FOXJ3: variants seen among roughly 807,000 people sequenced by gnomAD.
FOXJ3 encodes the protein forkhead box J3.
Under a neutral mutation model 76.1 loss-of-function variants are expected in FOXJ3, and 22 were observed. The ratio of observed to expected loss-of-function variants is 0.29; its 90% CI spans 0.21 to 0.41. The LOEUF (loss-of-function observed/expected upper bound fraction) is 0.41. FOXJ3 is among the 10% of genes least tolerant of loss of function. The probability of loss-of-function intolerance (pLI) is 1.00; values close to 1 mark genes in which losing one functional copy is unlikely to be tolerated. For missense variants in FOXJ3, 613 were observed against 762.1 expected, an observed-to-expected ratio of 0.80 and a Z score of 2.30; for synonymous variants, 269 against 261.2, an observed-to-expected ratio of 1.03 and a Z score of -0.29.
Position 42,185,512 on chromosome 1 carries a change from G to A in FOXJ3, c.1645+3225C>T, listed in dbSNP as rs115771491. 5.0e-3 allele frequency among the ~76,000 whole-genome samples: 755 copies of A among 151,744 alleles called. 12 individuals are homozygous for A. Among genetic ancestry groups the A allele is most frequent in the African/African-American group, 0.017 (710 of 41,260 alleles). ...CCTGACCTCATGATCCGCCTGCCTC[G>A]GTCTCCCAAAGTGAACATACTGTAT... On this transcript the variant is annotated intron_variant, in intron 11 of 12. Coordinates refer to ENST00000361346, the MANE Select transcript of FOXJ3 (RefSeq NM_014947.5).
chr1:42,246,668 T>A (rs1376099819), intron 4 of FOXJ3, among the ~76,000 whole-genome samples: 3 of 151,882 alleles, frequency 2.0e-5, no homozygotes, highest in Non-Finnish European at 4.4e-5. Context: ...ACTACCATAT[T>A]AAGCAGCAAT....
chr1:42,290,989 C>A (rs933594371), intron 2 of FOXJ3, among the ~76,000 whole-genome samples: 2 of 151,582 alleles, frequency 1.3e-5, no homozygotes, highest in Non-Finnish European at 2.9e-5. Context: ...AAAGGACAGA[C>A]ATAGATCAAC....
chr1:42,237,001 G>T (rs550168979), intron 4 of FOXJ3, among the ~76,000 whole-genome samples: 2 of 152,048 alleles, frequency 1.3e-5, no homozygotes, highest in East Asian at 1.9e-4. Flanking sequence ...CGGATTATAA[G>T]AATATAGGCT....
At chr1:42,254,309 GA>G (rs1215931967) in intron 4 of FOXJ3, among the ~76,000 whole-genome samples, 10 of 147,652 alleles carry the variant, frequency 6.8e-5, no homozygotes, top group African/African-American at 1.0e-4. Context: ...AAAAAGTCAG[GA>G]AACAACAGGT....
chr1:42,251,201 T>TG (rs1360269752), intron 4 of FOXJ3, among the ~76,000 whole-genome samples: 1 of 152,066 alleles, frequency 6.6e-6, no homozygotes, highest in African/African-American at 2.4e-5. Flanking sequence ...GACAGGGGTT[T>TG]GGGGGTGCAA....
At chr1:42,235,690 G>A (rs913577520) in intron 4 of FOXJ3, among the ~76,000 whole-genome samples, 12 of 152,180 alleles carry the variant, frequency 7.9e-5, no homozygotes, top group African/African-American at 2.4e-4. Flanking sequence ...AGCCTCCCAG[G>A]TAGCTGGGAT....
intron 4 of FOXJ3, among the ~76,000 whole-genome samples, chr1:42,235,347 T>C (rs1648519569): frequency 1.3e-5 from 2 of 152,212 alleles, no homozygotes; most frequent in South Asian, 4.1e-4. Context: ...CCCCTTGCGT[T>C]TTTCGGGTGA....
chr1:42,316,933 G>A (rs988074207), intron 1 of FOXJ3, among the ~76,000 whole-genome samples: 21 of 152,100 alleles, frequency 1.4e-4, no homozygotes, highest in Admixed American at 7.9e-4. Context: ...TACACTGGTC[G>A]GGTGATGGGT....
intron 4 of FOXJ3, among the ~76,000 whole-genome samples, chr1:42,239,613 C>T (rs1023154305): frequency 1.3e-5 from 2 of 152,054 alleles, no homozygotes; most frequent in Non-Finnish European, 2.9e-5. Context: ...AACAAAAGTA[C>T]CTATCTTGTA....
intron 9 of FOXJ3, 40 bp downstream of exon 9, chr1:42,191,263 T>C (rs778601116): frequency 6.6e-7 from 1 of 1,511,714 alleles, no homozygotes; most frequent in Non-Finnish European, 8.9e-7. Flanking sequence ...AGATCCTAAT[T>C]CACAGTTAGC....
At chr1:42,248,730 CTTTTTTTTTTTTTTT>C (rs4019587) in intron 4 of FOXJ3, among the ~76,000 whole-genome samples, 2 of 92,192 alleles carry the variant, frequency 2.2e-5, no homozygotes, top group Non-Finnish European at 4.1e-5. Context: ...CCTGTTTTTT[CTTTTTTTTTTTTTTT>C]TTTTTTTTTT....
rs770072917 is a variant in FOXJ3, at chr1:42,191,550, G to A, written c.1104C>T (p.Val368=). 6.2e-7 allele frequency: 1 copy of A among 1,614,122 alleles called. No homozygotes were observed. Among genetic ancestry groups the A allele is most frequent in the Non-Finnish European group, 8.5e-7 (1 of 1,180,004 alleles). ...TGTGCATCTGGGGGTGAGACAGTGA[G>A]ACCTGTGCAACCGAATTACTGCCTG... ...NTTGSNSVAQ[V]SLSHPQMHTQ... The change falls in exon 9 of 13, where the codon GTC becomes GTT. Residue 368 remains valine (V), a synonymous_variant. Transcript: ENST00000361346.
At chr1:42,304,991 C>T (rs1312235030) in intron 2 of FOXJ3, among the ~76,000 whole-genome samples, 2 of 152,164 alleles carry the variant, frequency 1.3e-5, no homozygotes, top group African/African-American at 2.4e-5. Context: ...GCAAACTACC[C>T]ATTCGACAAA....
chr1:42,252,357 T>C lies in FOXJ3; in HGVS notation c.444+12758A>G, dbSNP rs890224064. 7.2e-5 allele frequency among the ~76,000 whole-genome samples: 11 copies of C among 152,236 alleles called. 1 individual carries two copies. The East Asian group carries it at 7.7e-4, about 11-fold the overall frequency. ...TCTTCCTGGTTTAGTCTTGGGAGAG[T>C]GTACGTGTTGAGGAATTTATCCATT... On this transcript the variant is annotated intron_variant, in intron 4 of 12. Transcript: ENST00000361346.
intron 2 of FOXJ3, among the ~76,000 whole-genome samples, chr1:42,304,433 C>G (rs1654338573): frequency 1.3e-5 from 2 of 152,070 alleles, no homozygotes; most frequent in South Asian, 4.1e-4. Flanking sequence ...ACCAAAGACT[C>G]AGAATACCCA....
intron 5 of FOXJ3, among the ~76,000 whole-genome samples, chr1:42,217,053 T>G (rs1439584813): frequency 1.3e-5 from 2 of 151,782 alleles, no homozygotes; most frequent in Non-Finnish European, 2.9e-5. Flanking sequence ...AGATCTGGGG[T>G]GGAGGGGAGG....
intron 1 of FOXJ3, among the ~76,000 whole-genome samples, chr1:42,313,407 C>T (rs1173214292): frequency 1.3e-5 from 2 of 151,924 alleles, no homozygotes. Flanking sequence ...TATCCCCCAC[C>T]CAATCTTGAC....
At chr1:42,299,959 T>C (rs541563399) in intron 2 of FOXJ3, among the ~76,000 whole-genome samples, 335 of 151,934 alleles carry the variant, frequency 2.2e-3, no homozygotes, top group Non-Finnish European at 3.4e-3. Flanking sequence ...TCCGAGCACT[T>C]TGGAAGGCCC....
rs181520012 is a variant in FOXJ3, at chr1:42,235,783, G to A, written c.445-7817C>T. ...TCACCATGTTGGCTAGGCTGATTTCGAACTCCTGACCTCAGGTGATCTGCC... is the reference window on the plus strand; with the variant it reads ...TCACCATGTTGGCTAGGCTGATTTCAAACTCCTGACCTCAGGTGATCTGCC... On this transcript the variant is annotated intron_variant, in intron 4 of 12. Coordinates refer to ENST00000361346, the MANE Select transcript of FOXJ3 (RefSeq NM_014947.5). Among the ~76,000 whole-genome samples, 860 of 152,174 alleles carry A rather than the reference G, an allele frequency of 5.7e-3. 4 individuals carry two copies. Among genetic ancestry groups the A allele is most frequent in the South Asian group, 0.021 (99 of 4,810 alleles).
Sources: gnomAD v4.1 joint callset for allele counts (sites outside exome capture counted in the v4.1 genomes callset) on GRCh38, gnomAD v4.1.1 for gene constraint, MANE v1.5 for transcripts, NCBI Gene and HGNC (gene_info 2026-07-23, HGNC 2026-07-21) for gene names.